C2CD2L: variants seen among roughly 807,000 people sequenced by gnomAD.
C2CD2L encodes C2CD2 like, also known as phospholipid transfer protein C2CD2L.
In C2CD2L, 24 loss-of-function variants were observed where a neutral mutation model predicts 69.9. The ratio of observed to expected loss-of-function variants is 0.34; its 90% CI spans 0.25 to 0.48. The LOEUF (loss-of-function observed/expected upper bound fraction) is 0.48. Ranked by LOEUF, C2CD2L falls within the 20% of genes least tolerant of loss-of-function variation. The pLI, the probability that C2CD2L is intolerant of heterozygous loss-of-function variation, is 0.99. For synonymous variants in C2CD2L, 367 were observed against 391.0 expected (o/e 0.94, Z 0.72); for missense variants, 811 against 941.5 (o/e 0.86, Z 1.81).
At chr11:119,103,924 C>T (rs1946549168), upstream of C2CD2L, among the ~76,000 whole-genome samples, 1 of 152,130 alleles carries the variant, frequency 6.6e-6, no homozygotes, top group African/African-American at 2.4e-5. Context: ...TCCCGGGAGG[C>T]AAGTGTTTTC....
rs549880903 is a variant in C2CD2L at position 119,112,645 on chromosome 11, CAG to C, written c.1212+37_1212+38del. On this transcript the variant is annotated intron_variant, in intron 9 of 13. Coordinates refer to ENST00000648610, the MANE Select transcript of C2CD2L (RefSeq NM_001290474.2). ...GACCCCTGGGGTAGGTGGGAGGACA[CAG>C]GGGATGGGCAGTCTCCGAGGCTCTG... The C allele has an allele frequency of 7.3e-4, 1,171 of 1,607,776 alleles. 7 individuals are homozygous for C. In the African/African-American group the frequency reaches 0.014, roughly 19 times the overall value.
Position 119,110,512 on chromosome 11 carries a change from G to T in C2CD2L, c.451-49G>T. ...CTGAACTATTACAGGGCAGTTCAAAGCAGGGTGAGCACCCTTCCCCCACAT... is the reference window on the plus strand; with the variant it reads ...CTGAACTATTACAGGGCAGTTCAAATCAGGGTGAGCACCCTTCCCCCACAT... On this transcript the variant is annotated intron_variant, in intron 2 of 13. Transcript: ENST00000648610. This position sits in a 1 kb window ranked among gnomAD's most constrained non-coding sequence, Gnocchi z 5.7. 1.9e-6 allele frequency: 3 copies of T among 1,584,770 alleles called. No homozygotes were observed. Among genetic ancestry groups the T allele is most frequent in the Non-Finnish European group, 2.6e-6 (3 of 1,170,078 alleles).
Position 119,107,555 on chromosome 11 carries a change from C to A in C2CD2L, c.-187C>A, listed in dbSNP as rs1430082291. ...GAGACAGAGACCCCGGCATCGCGAC[C>A]CCCGAGGACCTCCTCTCCTCGCCCT... On this transcript the variant is annotated 5_prime_UTR_variant, in exon 1 of 14. Transcript: ENST00000648610. This position sits in a 1 kb window ranked among gnomAD's most constrained non-coding sequence, Gnocchi z 5.4. 1.2e-5 allele frequency: 5 copies of A among 418,396 alleles called. No individual in the cohort carries two copies. The highest frequency in any genetic ancestry group is 1.0e-4 in the African/African-American group (5 of 47,938). The allele number at this position is 418,396 out of a possible 1,614,324, so 25.9% of individuals were successfully genotyped here.
intron 6 of C2CD2L, 27 bp from the exon 7 acceptor site, chr11:119,111,494 C>T (rs991791886): frequency 1.2e-5 from 20 of 1,607,530 alleles, no homozygotes; most frequent in Admixed American, 1.0e-4. Flanking sequence ...CTGATCTGAG[C>T]ATCTTCTAAC....
intron 1 of C2CD2L, 100 bp downstream of exon 1, chr11:119,108,195 T>C: frequency 1.4e-6 from 1 of 729,512 alleles, no homozygotes; most frequent in East Asian, 3.1e-5. Flanking sequence ...GGGCATAAAC[T>C]GGGGAACCCT....
upstream of C2CD2L, among the ~76,000 whole-genome samples, chr11:119,105,236 G>T (rs1392702706): frequency 6.6e-6 from 1 of 152,132 alleles, no homozygotes; most frequent in Non-Finnish European, 1.5e-5. Flanking sequence ...CTAAGACATG[G>T]TTCCCACCCC....
At chr11:119,113,579 TC>T in intron 10 of C2CD2L, 31 bp from the exon 11 acceptor site, 1 of 1,598,248 alleles carries the variant, frequency 6.3e-7, no homozygotes, top group East Asian at 2.3e-5. Flanking sequence ...CTGAAGCAAC[TC>T]CCAGCTCACT....
chr11:119,108,831 A>T (rs988671093), intron 1 of C2CD2L, among the ~76,000 whole-genome samples: 5 of 152,122 alleles, frequency 3.3e-5, no homozygotes, highest in Non-Finnish European at 7.4e-5. Context: ...TCCCATCCTG[A>T]CCCAGCAATC....
Position 119,111,267 on chromosome 11 carries a change from C to G in C2CD2L, c.803C>G (p.Pro268Arg). 1 of 1,613,972 alleles carries G rather than the reference C, an allele frequency of 6.2e-7. No individual in the cohort carries two copies. The highest frequency in any genetic ancestry group is 8.5e-7 in the Non-Finnish European group (1 of 1,179,850). The change falls in exon 6 of 14, where the codon CCC becomes CGC. Residue 268 changes from proline to arginine, a missense_variant. Transcript: ENST00000648610. ...TGGACCTTCTTCTGCTCTTAGGTAC[C>G]CAGTGAGAAGCCACCCATGATGCCC... ...RACSAPGGLV[P>R]SEKPPMMPQA...
rs1946931921 is a variant in C2CD2L, at chr11:119,117,959, G to A, written c.*1703G>A. 1 of 152,128 alleles carries A rather than the reference G, an allele frequency of 6.6e-6. No homozygotes were observed. 9.4% of individuals were successfully genotyped at this position (152,128 alleles called of 1,614,324 possible). A position where few individuals can be genotyped will look rare whatever the true frequency, so the allele number is the denominator to read the frequency against. On this transcript the variant is annotated 3_prime_UTR_variant, in exon 14 of 14. Transcript: ENST00000648610. Reference sequence around the variant, plus strand: ...TCTATGACTACCTATATCTCAGGGTGTTTAGGGCACATGCCTTTGGGTAGA... The same window carrying A: ...TCTATGACTACCTATATCTCAGGGTATTTAGGGCACATGCCTTTGGGTAGA...
At chr11:119,103,118 C>A (rs1166349467), upstream of C2CD2L, among the ~76,000 whole-genome samples, 1 of 151,958 alleles carries the variant, frequency 6.6e-6, no homozygotes, top group Non-Finnish European at 1.5e-5. Context: ...TTGGGACTCC[C>A]GACCTCAGGT....
In C2CD2L at chr11:119,118,131, C is replaced by T. The variant is rs1946936650; in HGVS notation, c.*1875C>T. Reference sequence around the variant, plus strand: ...TATTTGGGGGGACAAGTGCAGGTTTCTTACATGCATATATTGCATGCATAG... The same window carrying T: ...TATTTGGGGGGACAAGTGCAGGTTTTTTACATGCATATATTGCATGCATAG... On this transcript the variant is annotated 3_prime_UTR_variant, in exon 14 of 14. Transcript: ENST00000648610. The T allele has an allele frequency of 6.6e-6, 1 of 151,946 alleles. No individual in the cohort carries two copies. The highest frequency in any genetic ancestry group is 1.5e-5 in the Non-Finnish European group (1 of 67,994). The allele number at this position is 151,946 out of a possible 1,614,324, so 9.4% of individuals were successfully genotyped here.
chr11:119,113,654 G>C lies in C2CD2L; in HGVS notation c.1431G>C (p.Lys477Asn), dbSNP rs1329718003. 1 of 1,613,468 alleles carries C rather than the reference G, an allele frequency of 6.2e-7. No individual in the cohort carries two copies. The highest frequency in any genetic ancestry group is 8.5e-7 in the Non-Finnish European group (1 of 1,179,836). ...CGTCCAAGGTGGAGGTGACCGAGAA[G>C]ACGACAACTGTGCTGAGTGAGAGCA... ...RSPSKVEVTE[K>N]TTTVLSESSG... is the part of the protein sequence containing the mutation. Residue 477 changes from lysine to asparagine, a missense_variant, in exon 11 of 14, where the codon AAG becomes AAC. Physicochemically the swap from Lys to Asn is moderately conservative, Grantham distance 94. Transcript: ENST00000648610.
Position 119,113,455 on chromosome 11 carries a change from G to C in C2CD2L, c.1388-156G>C, listed in dbSNP as rs146437700. On this transcript the variant is annotated intron_variant, in intron 10 of 13. Transcript: ENST00000648610. ...CCATTAGCTCCTGGGGTGTCTTTTA[G>C]TCCCCACGGCATCTTCCTAATCACC... 1.8e-4 allele frequency: 214 copies of C among 1,169,614 alleles called. No homozygotes were observed. The African/African-American group carries it at 3.2e-3, about 17-fold the overall frequency. 72.5% of individuals were successfully genotyped at this position (1,169,614 alleles called of 1,614,324 possible).
At chr11:119,111,239 C>T in intron 5 of C2CD2L, 24 bp from the exon 6 acceptor site, 1 of 1,612,952 alleles carries the variant, frequency 6.2e-7, no homozygotes, top group South Asian at 1.1e-5. Flanking sequence ...GATTCTTGCT[C>T]TTTGGACCTT....
At position 119,117,538 on chromosome 11, in the gene C2CD2L, A is replaced by G. The variant is rs1946924849; in HGVS notation, c.*1282A>G. Reference sequence around the variant, plus strand: ...TCTCATCTGTAAAATGGGAACTTCAATCATCATGGCTATCATTTGGTTGTG... The same window carrying G: ...TCTCATCTGTAAAATGGGAACTTCAGTCATCATGGCTATCATTTGGTTGTG... On this transcript the variant is annotated 3_prime_UTR_variant, in exon 14 of 14. Transcript: ENST00000648610. 1 of 152,226 alleles carries G rather than the reference A, an allele frequency of 6.6e-6. No homozygotes were observed. Among genetic ancestry groups the G allele is most frequent in the Non-Finnish European group, 1.5e-5 (1 of 68,054 alleles). 9.4% of individuals were successfully genotyped at this position (152,226 alleles called of 1,614,324 possible). A position where few individuals can be genotyped will look rare whatever the true frequency, so the allele number is the denominator to read the frequency against.
Position 119,114,502 on chromosome 11 carries a change from G to A in C2CD2L, c.1909+137G>A. 1.2e-6 allele frequency: 1 copy of A among 812,374 alleles called. No homozygotes were observed. Among genetic ancestry groups the A allele is most frequent in the Non-Finnish European group, 1.9e-6 (1 of 517,576 alleles). The allele number at this position is 812,374 out of a possible 1,614,324, so 50.3% of individuals were successfully genotyped here. A position where few individuals can be genotyped will look rare whatever the true frequency, so the allele number is the denominator to read the frequency against. The stretch of plus-strand genomic sequence containing the variant: ...TTCCCAGCCTAGTTCAGCCAAGCTA[G>A]CCTAGAGGGGGATCTTGGTGCCTTG... On this transcript the variant is annotated intron_variant, in intron 13 of 13. Coordinates refer to ENST00000648610, the MANE Select transcript of C2CD2L (RefSeq NM_001290474.2). This position sits in a 1 kb window ranked among gnomAD's most constrained non-coding sequence, Gnocchi z 5.1.
chr11:119,116,898 G>A lies in C2CD2L; in HGVS notation c.*642G>A, dbSNP rs1946908621. On this transcript the variant is annotated 3_prime_UTR_variant, in exon 14 of 14. Transcript: ENST00000648610. ...CCCTCCCCCTTTATTACCGTTTTTT[G>A]TACTTGATGCCTTCTCTGTGAGCAG... The A allele has an allele frequency of 6.5e-6, 1 of 152,850 alleles. No homozygotes were observed. Among genetic ancestry groups the A allele is most frequent in the African/African-American group, 2.4e-5 (1 of 41,398 alleles). The allele number at this position is 152,850 out of a possible 1,614,324, so 9.5% of individuals were successfully genotyped here.
In C2CD2L at chr11:119,116,165, A is replaced by G. The variant is rs939912907; in HGVS notation, c.2030A>G (p.Lys677Arg). 1 of 1,614,152 alleles carries G rather than the reference A, an allele frequency of 6.2e-7. No individual in the cohort carries two copies. Among genetic ancestry groups the G allele is most frequent in the African/African-American group, 1.3e-5 (1 of 74,962 alleles). Residue 677 changes from lysine (K) to arginine (R), a missense_variant, in exon 14 of 14, where the codon AAG becomes AGG. Coordinates refer to ENST00000648610, the MANE Select transcript of C2CD2L (RefSeq NM_001290474.2). ...SNATATPSVR[K>R]KAGSFSRRLI... ...GCAACGGCCACGCCCAGTGTCCGAA[A>G]GAAGGCCGGCAGCTTTTCTCGCCGC...
Sources: gnomAD v4.1 joint callset for allele counts (sites outside exome capture counted in the v4.1 genomes callset) on GRCh38, gnomAD v4.1.1 for gene constraint, Gnocchi (gnomAD v3.1) non-coding constraint, MANE v1.5 for transcripts, NCBI Gene and HGNC (gene_info 2026-07-23, HGNC 2026-07-21) for gene names.